Variants in SH3RF1 observed in about 807,000 individuals in gnomAD.
SH3RF1 encodes E3 ubiquitin-protein ligase SH3RF1.
In SH3RF1, 32 loss-of-function variants were observed where a neutral mutation model predicts 74.0. The observed-to-expected ratio is 0.43, with a 90% confidence interval of 0.33 to 0.58. The LOEUF is 0.58. Among genes scored for constraint, SH3RF1 ranks in the 20% least tolerant of loss-of-function variants. The pLI is 0.05. For synonymous variants in SH3RF1, 396 were observed against 439.6 expected (o/e 0.90, Z 1.24); for missense variants, 954 against 1,130.9 (o/e 0.84, Z 2.24).
At chr4:169,209,014 GC>G (rs1730310295) in intron 2 of SH3RF1, among the ~76,000 whole-genome samples, 1 of 152,222 alleles carries the variant, frequency 6.6e-6, no homozygotes, top group Non-Finnish European at 1.5e-5. Flanking sequence ...GTAGGACAGG[GC>G]GTGGTGGCTC....
At chr4:169,152,673 G>A (rs1217929365) in intron 4 of SH3RF1, among the ~76,000 whole-genome samples, 4 of 152,172 alleles carry the variant, frequency 2.6e-5, no homozygotes, top group African/African-American at 9.7e-5. Flanking sequence ...GAAGGCAGAG[G>A]TTGTAGTGAG....
At chr4:169,243,501 A>G (rs998278051) in intron 2 of SH3RF1, among the ~76,000 whole-genome samples, 7 of 152,234 alleles carry the variant, frequency 4.6e-5, no homozygotes, top group African/African-American at 1.7e-4. Context: ...CGACAGAACA[A>G]GATTCCTTCT....
chr4:169,140,485 G>T (rs1020447759), intron 4 of SH3RF1, among the ~76,000 whole-genome samples: 10 of 152,126 alleles, frequency 6.6e-5, no homozygotes, highest in Admixed American at 1.3e-4. Flanking sequence ...TAAAAGCAGG[G>T]ATTCTATTCA....
chr4:169,127,017 G>T (rs1685961952), intron 6 of SH3RF1, among the ~76,000 whole-genome samples: 1 of 152,168 alleles, frequency 6.6e-6, no homozygotes, highest in South Asian at 2.1e-4. Context: ...GAGGATCGGG[G>T]ATTATTCATC....
chr4:169,155,233 A>G (rs1734031997), intron 4 of SH3RF1, among the ~76,000 whole-genome samples: 1 of 152,212 alleles, frequency 6.6e-6, no homozygotes, highest in Non-Finnish European at 1.5e-5. Flanking sequence ...ATAAGCATAC[A>G]GTGACATTTA....
At chr4:169,160,944 C>T (rs1734140441) in intron 2 of SH3RF1, among the ~76,000 whole-genome samples, 1 of 152,212 alleles carries the variant, frequency 6.6e-6, no homozygotes, top group African/African-American at 2.4e-5. Context: ...AGGCACTGCC[C>T]TCTCATTCAT....
rs191812097 is a variant in SH3RF1, at chr4:169,094,422, C to T, written c.*2097G>A. 6.6e-6 allele frequency: 1 copy of T among 152,066 alleles called. No homozygotes were observed. Among genetic ancestry groups the T allele is most frequent in the Admixed American group, 6.6e-5 (1 of 15,266 alleles). 9.4% of individuals were successfully genotyped at this position (152,066 alleles called of 1,614,324 possible). On this transcript the variant is annotated 3_prime_UTR_variant, in exon 12 of 12. Coordinates refer to ENST00000284637, the MANE Select transcript of SH3RF1 (RefSeq NM_020870.4). ...CTGTCTGCAAAAAACCAATAGAAAA[C>T]CCATACATTATATTACCTAATGATC... is the stretch of plus-strand genomic sequence containing the variant.
At chr4:169,178,398 G>C (rs531567876) in intron 2 of SH3RF1, among the ~76,000 whole-genome samples, 1 of 101,480 alleles carries the variant, frequency 9.9e-6, no homozygotes, top group South Asian at 3.1e-4. Context: ...AGAATCACAG[G>C]GATTTGGGGC....
intron 2 of SH3RF1, among the ~76,000 whole-genome samples, chr4:169,257,145 C>T (rs962344537): frequency 4.6e-5 from 7 of 152,158 alleles, no homozygotes; most frequent in Non-Finnish European, 7.3e-5. Context: ...AGAGGAAGTT[C>T]TGCCTGATAA....
chr4:169,139,309 C>G (rs1253448884), intron 4 of SH3RF1, among the ~76,000 whole-genome samples: 1 of 152,168 alleles, frequency 6.6e-6, no homozygotes, highest in Admixed American at 6.5e-5. Flanking sequence ...GAGAAATGAT[C>G]TCTGCCCTTA....
At chr4:169,203,675 G>A (rs1437613103) in intron 2 of SH3RF1, among the ~76,000 whole-genome samples, 1 of 152,130 alleles carries the variant, frequency 6.6e-6, no homozygotes, top group Non-Finnish European at 1.5e-5. Context: ...AAGCTGTTTT[G>A]CTTGTTTGGT....
Position 169,135,809 on chromosome 4 carries a change from G to A in SH3RF1, c.1068+509C>T, listed in dbSNP as rs58063430. Among the ~76,000 whole-genome samples the A allele has an allele frequency of 5.2e-3, 797 of 152,288 alleles. 10 individuals are homozygous for A. Among genetic ancestry groups the A allele is most frequent in the African/African-American group, 0.018 (759 of 41,560 alleles). ...TGTAATGAACTAATGAACTTAGAAA[G>A]TGTGAGGTCAATTTCTAATTTAAAT... On this transcript the variant is annotated intron_variant, in intron 5 of 11. Coordinates refer to ENST00000284637, the MANE Select transcript of SH3RF1 (RefSeq NM_020870.4).
chr4:169,161,341 T>A (rs1441004906), intron 2 of SH3RF1, among the ~76,000 whole-genome samples: 1 of 152,250 alleles, frequency 6.6e-6, no homozygotes, highest in Non-Finnish European at 1.5e-5. Flanking sequence ...CAGCTTTACA[T>A]TTCAAATAAT....
intron 4 of SH3RF1, among the ~76,000 whole-genome samples, chr4:169,153,867 T>C (rs546757159): frequency 6.6e-4 from 100 of 152,282 alleles, no homozygotes; most frequent in African/African-American, 2.3e-3. Flanking sequence ...TAAGTCAGAG[T>C]AAATAATCCT....
chr4:169,134,963 A>G (rs1733678796), intron 5 of SH3RF1, among the ~76,000 whole-genome samples: 2 of 152,204 alleles, frequency 1.3e-5, no homozygotes. Context: ...AAATGCCACA[A>G]AACAACAATC....
intron 2 of SH3RF1, among the ~76,000 whole-genome samples, chr4:169,248,937 G>C (rs1239911815): frequency 3.3e-5 from 5 of 152,198 alleles, no homozygotes; most frequent in African/African-American, 7.2e-5. Flanking sequence ...GCCTTTAAGA[G>C]GCAATTAGGG....
intron 5 of SH3RF1, among the ~76,000 whole-genome samples, chr4:169,132,106 G>C (rs1733629592): frequency 6.6e-6 from 1 of 152,070 alleles, no homozygotes; most frequent in Non-Finnish European, 1.5e-5. Flanking sequence ...TCCTTGCTTT[G>C]TGTGTTTTGT....
intron 7 of SH3RF1, 90 bp downstream of exon 7, chr4:169,122,010 G>C (rs1236341379): frequency 7.8e-6 from 12 of 1,529,964 alleles, no homozygotes; most frequent in Non-Finnish European, 8.9e-7. Context: ...GCTGTCATCA[G>C]CTCATGTCAG....
At chr4:169,200,423 C>T (rs555315836) in intron 2 of SH3RF1, among the ~76,000 whole-genome samples, 3 of 152,032 alleles carry the variant, frequency 2.0e-5, no homozygotes, top group Non-Finnish European at 4.4e-5. Flanking sequence ...AATAAAATCT[C>T]CACAGTTAGA....
Sources: gnomAD v4.1 joint callset for allele counts (sites outside exome capture counted in the v4.1 genomes callset) on GRCh38, gnomAD v4.1.1 for gene constraint, MANE v1.5 for transcripts, NCBI Gene and HGNC (gene_info 2026-07-23, HGNC 2026-07-21) for gene names.